Variants in SMARCAD1 observed in about 807,000 individuals in gnomAD.
SMARCAD1 encodes SNF2 related chromatin remodeling ATPase with DExD box 1, also known as SWI/SNF-related matrix-associated actin-dependent regulator of chromatin subfamily A containing DEAD/H box 1.
In SMARCAD1, 25 loss-of-function variants were observed where a neutral mutation model predicts 127.1. The observed-to-expected ratio is 0.20, with a 90% confidence interval of 0.14 to 0.27. The LOEUF (loss-of-function observed/expected upper bound fraction) is 0.27. Among genes scored for constraint, SMARCAD1 ranks in the 10% least tolerant of loss-of-function variants. SMARCAD1 has a pLI of 1.00. For synonymous variants in SMARCAD1, 400 were observed against 396.9 expected (o/e 1.01, Z -0.09); for missense variants, 807 against 1,206.0 (o/e 0.67, Z 4.90).
intron 9 of SMARCAD1, among the ~76,000 whole-genome samples, chr4:94,258,311 C>T (rs1227686696): frequency 6.6e-6 from 1 of 151,958 alleles, no homozygotes; most frequent in Admixed American, 6.6e-5. Context: ...TCTACCACCA[C>T]ACCCGGTTAA....
At chr4:94,273,154 T>C (rs940098773) in intron 11 of SMARCAD1, among the ~76,000 whole-genome samples, 1 of 152,198 alleles carries the variant, frequency 6.6e-6, no homozygotes, top group African/African-American at 2.4e-5. Flanking sequence ...ACTATGAACA[T>C]TCTTACCCAA....
At chr4:94,254,822 T>C (rs559805070) in intron 9 of SMARCAD1, among the ~76,000 whole-genome samples, 17 of 152,182 alleles carry the variant, frequency 1.1e-4, no homozygotes, top group Non-Finnish European at 1.5e-4. Context: ...AATACAGATA[T>C]GCTTTAAATT....
intron 21 of SMARCAD1, 76 bp downstream of exon 21, chr4:94,281,666 C>T: frequency 3.1e-6 from 3 of 952,494 alleles, no homozygotes; most frequent in South Asian, 1.3e-5. Context: ...GTCTAACAAA[C>T]AATTGATAGT....
chr4:94,261,311 A>G (rs564156617), intron 9 of SMARCAD1, among the ~76,000 whole-genome samples: 4 of 152,322 alleles, frequency 2.6e-5, no homozygotes, highest in Non-Finnish European at 5.9e-5. Flanking sequence ...TGTTTCTCAG[A>G]AAATATTGAC....
At chr4:94,243,750 A>C (rs2125892032) in intron 6 of SMARCAD1, among the ~76,000 whole-genome samples, 1 of 152,328 alleles carries the variant, frequency 6.6e-6, no homozygotes, top group East Asian at 1.9e-4. Context: ...TCCAGTATCC[A>C]CTGGCTGCCT....
rs1456374231 is a variant in SMARCAD1 at position 94,208,591 on chromosome 4, T to G, written c.190+7T>G. 6.2e-7 allele frequency: 1 copy of G among 1,613,266 alleles called. No individual in the cohort carries two copies. Among genetic ancestry groups the G allele is most frequent in the Admixed American group, 1.7e-5 (1 of 60,008 alleles). On this transcript the variant is annotated splice_region_variant and intron_variant, in intron 2 of 23. Coordinates refer to ENST00000354268, the MANE Select transcript of SMARCAD1 (RefSeq NM_020159.5). ...GATATAACTGAAAAAACAGGTGAGT[T>G]ACAATGTTAAAATTGATGTAACATC...
intron 9 of SMARCAD1, among the ~76,000 whole-genome samples, chr4:94,258,398 G>T (rs565581521): frequency 2.0e-5 from 3 of 151,876 alleles, no homozygotes; most frequent in Non-Finnish European, 4.4e-5. Context: ...CAAGTGATCC[G>T]CTCACCTCCA....
At chr4:94,219,618 G>C (rs169488) in intron 2 of SMARCAD1, among the ~76,000 whole-genome samples, 3 of 152,104 alleles carry the variant, frequency 2.0e-5, no homozygotes, top group African/African-American at 7.2e-5. Flanking sequence ...TTACTCCCTA[G>C]GGCCATGGAG....
chr4:94,250,666 TTAAC>T (rs1257875902), intron 7 of SMARCAD1, 82 bp from the exon 8 acceptor site: 2 of 826,494 alleles, frequency 2.4e-6, no homozygotes, highest in African/African-American at 1.7e-5. Context: ...TTTCAGGTGA[TTAAC>T]TTATTTTTAA....
chr4:94,262,288 A>C (rs991430512), intron 9 of SMARCAD1, among the ~76,000 whole-genome samples: 1 of 152,188 alleles, frequency 6.6e-6, no homozygotes, highest in Non-Finnish European at 1.5e-5. Context: ...TTTAATCTCA[A>C]TAGATGGTAC....
chr4:94,232,352 A>G (rs1745971551), intron 3 of SMARCAD1, among the ~76,000 whole-genome samples: 1 of 152,206 alleles, frequency 6.6e-6, no homozygotes, highest in Admixed American at 6.5e-5. Context: ...AAGAGTAAAT[A>G]TCTTTGAAAG....
Position 94,233,622 on chromosome 4 carries a change from G to A in SMARCAD1, c.369-332G>A, listed in dbSNP as rs1031267584. Reference sequence around the variant, plus strand: ...AGCATAACTTCGTCTGACATAGAGAGTATTGGTGAAAGAAGATGAGTAAAG... The same window carrying A: ...AGCATAACTTCGTCTGACATAGAGAATATTGGTGAAAGAAGATGAGTAAAG... On this transcript the variant is annotated intron_variant, in intron 3 of 23. Transcript: ENST00000354268. Among the ~76,000 whole-genome samples the A allele has an allele frequency of 5.9e-5, 9 of 152,286 alleles. No individual in the cohort carries two copies. The South Asian group carries it at 1.9e-3, about 32-fold the overall frequency.
chr4:94,255,506 G>C (rs1749933060), intron 9 of SMARCAD1, among the ~76,000 whole-genome samples: 1 of 151,818 alleles, frequency 6.6e-6, no homozygotes, highest in South Asian at 2.1e-4. Flanking sequence ...AAAAGTTGTA[G>C]ATCATTGGGT....
intron 6 of SMARCAD1, 22 bp from the exon 7 acceptor site, chr4:94,249,632 C>CTTTT (rs765320730): frequency 5.2e-6 from 6 of 1,159,248 alleles, no homozygotes; most frequent in Admixed American, 1.9e-5. Context: ...AAATTGTTTT[C>CTTTT]TTTTTTTTTT....
intron 2 of SMARCAD1, among the ~76,000 whole-genome samples, chr4:94,225,628 T>C (rs977881602): frequency 6.6e-6 from 1 of 152,230 alleles, no homozygotes; most frequent in Non-Finnish European, 1.5e-5. Context: ...TAAGAGCTAA[T>C]ATTTATGGGA....
Position 94,234,032 on chromosome 4 carries a change from A to G in SMARCAD1, c.447A>G (p.Glu149=), listed in dbSNP as rs779009280. Residue 149 remains glutamate, a synonymous_variant, in exon 4 of 24, where the codon GAA becomes GAG. Coordinates refer to ENST00000354268, the MANE Select transcript of SMARCAD1 (RefSeq NM_020159.5). The part of the protein sequence containing the change: ...ARRNDDISEL[E]DLSELEDLKD... ...GAAATGATGATATTTCAGAACTGGA[A>G]GACCTTTCGGAATTGGAAGACCTTA... 1 of 1,613,806 alleles carries G rather than the reference A, an allele frequency of 6.2e-7. No homozygotes were observed.
intron 1 of SMARCAD1, 133 bp downstream of exon 1, chr4:94,208,203 C>A: frequency 1.4e-6 from 1 of 720,120 alleles, no homozygotes; most frequent in Non-Finnish European, 2.5e-6. Flanking sequence ...ATTGTTGCGG[C>A]CTAACAATGA....
chr4:94,270,860 A>T (rs1001639600), intron 11 of SMARCAD1, 42 bp downstream of exon 11: 1 of 1,558,026 alleles, frequency 6.4e-7, no homozygotes, highest in Non-Finnish European at 8.9e-7. Flanking sequence ...TGAAAGTGTC[A>T]TTAAAAGGTA....
rs2306802 is a variant in SMARCAD1 at position 94,264,904 on chromosome 4, A to C, written c.1479A>C (p.Gln493His). The change falls in exon 10 of 24, where the codon CAA becomes CAC. Residue 493 changes from glutamine (Q) to histidine (H), a missense_variant and splice_region_variant. Transcript: ENST00000354268. ...TAGAACAACCTTCCATTCTAAACCAAAGGTAATCTTTGTTGAATATATTTA... is the reference window on the plus strand; with the variant it reads ...TAGAACAACCTTCCATTCTAAACCACAGGTAATCTTTGTTGAATATATTTA... ...WNIEQPSILN[Q>H]SLSLKPYQKV... 2 of 1,608,892 alleles carry C rather than the reference A, an allele frequency of 1.2e-6. No individual in the cohort carries two copies. The highest frequency in any genetic ancestry group is 1.7e-6 in the Non-Finnish European group (2 of 1,176,014).
Sources: allele counts gnomAD v4.1 joint callset (sites outside exome capture counted in the v4.1 genomes callset), GRCh38; gene constraint gnomAD v4.1.1; transcripts MANE v1.5; gene names NCBI Gene and HGNC (gene_info 2026-07-23, HGNC 2026-07-21).